The following TMEM163 variants were observed in gnomAD, a reference collection of about 807,000 sequenced individuals.
The protein encoded by TMEM163 is transmembrane protein 163.
In TMEM163, 17 loss-of-function variants were observed where a neutral mutation model predicts 29.3. The observed-to-expected ratio is 0.58, with a 90% CI of 0.40 to 0.87. The LOEUF (loss-of-function observed/expected upper bound fraction) is 0.87, where lower values mean the gene tolerates loss of function less well. Among genes scored for constraint, TMEM163 ranks in the 40% least tolerant of loss-of-function variants. TMEM163 has a pLI of 0.00. For missense variants in TMEM163, 303 were observed against 381.5 expected, an observed-to-expected ratio of 0.79 and a Z score of 1.71; for synonymous variants, 157 against 160.6, an observed-to-expected ratio of 0.98 and a Z score of 0.17.
At chr2:134,482,752 C>T (rs1169698941) in intron 5 of TMEM163, among the ~76,000 whole-genome samples, 1 of 152,120 alleles carries the variant, frequency 6.6e-6, no homozygotes, top group African/African-American at 2.4e-5. Flanking sequence ...GACAAGTTAC[C>T]GTGGATTCAC....
At chr2:134,507,029 C>T (rs1306558585) in intron 4 of TMEM163, among the ~76,000 whole-genome samples, 1 of 152,014 alleles carries the variant, frequency 6.6e-6, no homozygotes, top group African/African-American at 2.4e-5. Flanking sequence ...CCAGTCAACC[C>T]AGACTGAAAC....
chr2:134,541,078 A>G (rs773261242), intron 4 of TMEM163, among the ~76,000 whole-genome samples: 1 of 152,192 alleles, frequency 6.6e-6, no homozygotes, highest in Non-Finnish European at 1.5e-5. Context: ...AAAGAATATG[A>G]GTGGTGAAGG....
intron 2 of TMEM163, among the ~76,000 whole-genome samples, chr2:134,619,650 A>G (rs1288958270): frequency 6.6e-6 from 1 of 152,216 alleles, no homozygotes; most frequent in Non-Finnish European, 1.5e-5. Flanking sequence ...CCCAAAGCAG[A>G]TACTAAGCAA....
intron 2 of TMEM163, among the ~76,000 whole-genome samples, chr2:134,598,857 G>A (rs1274288197): frequency 6.6e-6 from 1 of 150,970 alleles, no homozygotes. Context: ...GAGGTGGGGG[G>A]TTGCAGTGAG....
At chr2:134,469,637 T>A (rs553156960) in intron 5 of TMEM163, 3 of 134,846 alleles carry the variant, frequency 2.2e-5, no homozygotes, top group African/African-American at 8.8e-5. Flanking sequence ...ACATTCTGCA[T>A]TCTGTGGCTC....
chr2:134,571,435 A>G (rs777748251), intron 2 of TMEM163, among the ~76,000 whole-genome samples: 1 of 152,168 alleles, frequency 6.6e-6, no homozygotes, highest in Non-Finnish European at 1.5e-5. Flanking sequence ...TTTAAGGGGA[A>G]CAAACACCTG....
chr2:134,613,410 C>A (rs146677653), intron 2 of TMEM163, among the ~76,000 whole-genome samples: 67 of 152,272 alleles, frequency 4.4e-4, no homozygotes, highest in African/African-American at 1.6e-3. Context: ...AAGGAAATCA[C>A]TGAACTTCAA....
At chr2:134,680,906 T>C (rs1684216466) in intron 2 of TMEM163, among the ~76,000 whole-genome samples, 1 of 152,128 alleles carries the variant, frequency 6.6e-6, no homozygotes, top group South Asian at 2.1e-4. Flanking sequence ...CAAAAGCACA[T>C]GAAGAGCTTA....
At chr2:134,686,337 C>T (rs1684350165) in intron 2 of TMEM163, among the ~76,000 whole-genome samples, 1 of 152,124 alleles carries the variant, frequency 6.6e-6, no homozygotes, top group Non-Finnish European at 1.5e-5. Context: ...CGAAGCCTGC[C>T]CCCGGGCTCA....
chr2:134,610,289 C>T lies in TMEM163; in HGVS notation c.323-58198G>A, dbSNP rs183939573. Among the ~76,000 whole-genome samples, 583 of 152,354 alleles carry T rather than the reference C, an allele frequency of 3.8e-3. 7 individuals are homozygous for T. The highest frequency in any genetic ancestry group is 0.013 in the African/African-American group (546 of 41,594). ...TCAGAGCCACTGTGGCCGCCAGCCA[C>T]TTGCAGCCTGTGCCCTGGAAAGCTG... On this transcript the variant is annotated intron_variant, in intron 2 of 7. Transcript: ENST00000281924.
intron 4 of TMEM163, among the ~76,000 whole-genome samples, chr2:134,513,350 A>G (rs898285249): frequency 2.0e-5 from 3 of 152,192 alleles, no homozygotes; most frequent in African/African-American, 7.2e-5. Context: ...AGATTCAAAC[A>G]TGACTCAGGA....
intron 4 of TMEM163, among the ~76,000 whole-genome samples, chr2:134,526,384 C>T (rs1256595966): frequency 6.6e-6 from 1 of 152,008 alleles, no homozygotes; most frequent in African/African-American, 2.4e-5. Context: ...CCACAGAAGC[C>T]CCACCAAAAT....
At chr2:134,549,814 A>G (rs1042541004) in intron 4 of TMEM163, among the ~76,000 whole-genome samples, 1 of 152,250 alleles carries the variant, frequency 6.6e-6, no homozygotes, top group East Asian at 1.9e-4. Context: ...ACACATATAC[A>G]TACACATATT....
chr2:134,461,763 T>G (rs1254948324), intron 6 of TMEM163, among the ~76,000 whole-genome samples: 1 of 152,190 alleles, frequency 6.6e-6, no homozygotes, highest in Non-Finnish European at 1.5e-5. Flanking sequence ...GCTGGCAGCA[T>G]CAGCCTGGCC....
At chr2:134,537,115 T>C (rs963099149) in intron 4 of TMEM163, among the ~76,000 whole-genome samples, 1 of 152,184 alleles carries the variant, frequency 6.6e-6, no homozygotes, top group African/African-American at 2.4e-5. Context: ...ACCACATCTC[T>C]AATACCCAGA....
chr2:134,501,160 A>T (rs1558924598), intron 5 of TMEM163, among the ~76,000 whole-genome samples: 1 of 152,226 alleles, frequency 6.6e-6, no homozygotes, highest in Admixed American at 6.5e-5. Context: ...AATGTTTACA[A>T]TCCCATAGCA....
At chr2:134,487,397 A>C (rs1679339400) in intron 5 of TMEM163, among the ~76,000 whole-genome samples, 1 of 152,210 alleles carries the variant, frequency 6.6e-6, no homozygotes, top group Non-Finnish European at 1.5e-5. Context: ...TAAAAATTTC[A>C]CCAAAGGACA....
At chr2:134,578,371 T>C (rs1311151824) in intron 2 of TMEM163, among the ~76,000 whole-genome samples, 1 of 152,172 alleles carries the variant, frequency 6.6e-6, no homozygotes, top group African/African-American at 2.4e-5. Flanking sequence ...GCAGAATATT[T>C]TGTGTATGTC....
At chr2:134,465,189 T>TAAAAAAAAAAAAAAAAAAAAA (rs1181405890) in intron 6 of TMEM163, among the ~76,000 whole-genome samples, 9 of 117,710 alleles carry the variant, frequency 7.6e-5, no homozygotes, top group East Asian at 3.4e-4. Flanking sequence ...TCCGCATCTT[T>TAAAAAAAAAAAAAAAAAAAAA]AAAAAAAAAA....
Sources: allele counts gnomAD v4.1 joint callset (sites outside exome capture counted in the v4.1 genomes callset), GRCh38; gene constraint gnomAD v4.1.1; transcripts MANE v1.5; gene names NCBI Gene and HGNC (gene_info 2026-07-23, HGNC 2026-07-21).